Variants in FAM135B observed in about 807,000 individuals in gnomAD.
FAM135B encodes family with sequence similarity 135 member B.
A neutral mutation model predicts 127.7 loss-of-function variants in FAM135B; 43 were observed. That is an observed-to-expected ratio of 0.34 (90% CI 0.26 to 0.43). The LOEUF (loss-of-function observed/expected upper bound fraction) is 0.43, where lower values mean the gene tolerates loss of function less well. Among genes scored for constraint, FAM135B ranks in the 20% least tolerant of loss-of-function variants. FAM135B has a pLI of 1.00. For missense variants in FAM135B, 1,558 were observed against 1,725.6 expected, an observed-to-expected ratio of 0.90 and a Z score of 1.72; for synonymous variants, 670 against 665.1, an observed-to-expected ratio of 1.01 and a Z score of -0.11.
At chr8:138,238,506 G>A (rs1474142616) in intron 7 of FAM135B, among the ~76,000 whole-genome samples, 2 of 152,136 alleles carry the variant, frequency 1.3e-5, no homozygotes, top group African/African-American at 4.8e-5. Context: ...GGCCACGAGG[G>A]GAGAGGGGCC....
intron 7 of FAM135B, among the ~76,000 whole-genome samples, chr8:138,218,388 A>G (rs1343772288): frequency 6.6e-6 from 1 of 152,208 alleles, no homozygotes; most frequent in Non-Finnish European, 1.5e-5. Flanking sequence ...GGGGATAGCA[A>G]TATGTCCTGC....
chr8:138,304,319 C>T (rs34624438), intron 3 of FAM135B, among the ~76,000 whole-genome samples: 1 of 152,172 alleles, frequency 6.6e-6, no homozygotes, highest in African/African-American at 2.4e-5. Flanking sequence ...CAAAATGCTT[C>T]CTGTTGTCTG....
rs957362683 is a variant in FAM135B, at chr8:138,182,540, C to T, written c.874-3850G>A. On this transcript the variant is annotated intron_variant, in intron 9 of 19. Transcript: ENST00000395297. ...TGCTGGTTCTGTCCCAGCGGTGTGC[C>T]GAGCTCTGGGGAGCCAAACATAAAT... is the stretch of plus-strand genomic sequence containing the variant. Among the ~76,000 whole-genome samples, 6 of 152,176 alleles carry T rather than the reference C, an allele frequency of 3.9e-5. No homozygotes were observed. The East Asian group carries it at 5.8e-4, about 15-fold the overall frequency.
chr8:138,467,630 C>T (rs1267118007), intron 1 of FAM135B, among the ~76,000 whole-genome samples: 1 of 152,094 alleles, frequency 6.6e-6, no homozygotes, highest in East Asian at 1.9e-4. Flanking sequence ...CAGACAACTC[C>T]AACATGTGGA....
At chr8:138,384,404 T>A (rs745364112) in intron 1 of FAM135B, among the ~76,000 whole-genome samples, 28 of 152,076 alleles carry the variant, frequency 1.8e-4, no homozygotes, top group Non-Finnish European at 3.8e-4. Context: ...GCTAAATAGA[T>A]GTATTGGGGG....
chr8:138,394,114 G>A lies in FAM135B; in HGVS notation c.-19-26112C>T, dbSNP rs186733992. Among the ~76,000 whole-genome samples, 388 of 152,276 alleles carry A rather than the reference G, an allele frequency of 2.5e-3. 3 individuals carry two copies. Among genetic ancestry groups the A allele is most frequent in the Non-Finnish European group, 2.3e-3 (159 of 68,024 alleles). The stretch of plus-strand genomic sequence containing the variant: ...GTGGTCCTTCAGCAAAGTTGGGGGT[G>A]CCTGGTCTATTTCTCAGAAGAAGAC... On this transcript the variant is annotated intron_variant, in intron 1 of 19. Coordinates refer to ENST00000395297, the MANE Select transcript of FAM135B (RefSeq NM_015912.4).
At chr8:138,264,741 A>G (rs1822787595) in intron 4 of FAM135B, among the ~76,000 whole-genome samples, 1 of 152,160 alleles carries the variant, frequency 6.6e-6, no homozygotes, top group African/African-American at 2.4e-5. Flanking sequence ...TTAGCCACAA[A>G]GAGGAATCTG....
intron 7 of FAM135B, among the ~76,000 whole-genome samples, chr8:138,221,619 T>A (rs927013215): frequency 1.3e-5 from 2 of 152,176 alleles, no homozygotes; most frequent in African/African-American, 4.8e-5. Context: ...CACCCAGGAC[T>A]GAGAATTAAC....
intron 1 of FAM135B, chr8:138,436,854 G>C (rs1835483076): frequency 6.6e-6 from 1 of 152,190 alleles, no homozygotes; most frequent in South Asian, 2.1e-4. Flanking sequence ...CTGCCACATA[G>C]AGCTGTTGTA....
At chr8:138,275,134 T>C (rs1823720389) in intron 3 of FAM135B, among the ~76,000 whole-genome samples, 2 of 152,180 alleles carry the variant, frequency 1.3e-5, no homozygotes, top group South Asian at 2.1e-4. Flanking sequence ...ATTATAAAAG[T>C]ATTAATTTGG....
chr8:138,283,430 A>AG (rs1824427544), intron 3 of FAM135B, among the ~76,000 whole-genome samples: 2 of 151,872 alleles, frequency 1.3e-5, no homozygotes, highest in African/African-American at 4.8e-5. Context: ...GTAAAAAAAA[A>AG]AAATAGTGGT....
chr8:138,226,258 T>A (rs548826937), intron 7 of FAM135B, among the ~76,000 whole-genome samples: 61 of 151,138 alleles, frequency 4.0e-4, no homozygotes, highest in African/African-American at 1.4e-3. Flanking sequence ...AACACTATGG[T>A]AGGTCATGGA....
At chr8:138,314,879 C>CAAAAA (rs35189245) in intron 2 of FAM135B, among the ~76,000 whole-genome samples, 1 of 85,480 alleles carries the variant, frequency 1.2e-5, no homozygotes, top group Non-Finnish European at 2.4e-5. Context: ...GACCTTACCT[C>CAAAAA]AAAAAAAAAA....
chr8:138,177,475 C>G, intron 10 of FAM135B, 55 bp from the exon 11 acceptor site: 7 of 1,440,748 alleles, frequency 4.9e-6, no homozygotes, highest in Non-Finnish European at 6.7e-6. Flanking sequence ...ATTACCTGCA[C>G]TTTCTTTTTT....
intron 2 of FAM135B, among the ~76,000 whole-genome samples, chr8:138,344,734 C>G (rs900618934): frequency 6.6e-6 from 1 of 152,082 alleles, no homozygotes; most frequent in Non-Finnish European, 1.5e-5. Flanking sequence ...TGCAACCACA[C>G]CCAGCTAATT....
chr8:138,255,272 A>G (rs987004400), intron 5 of FAM135B, among the ~76,000 whole-genome samples: 13 of 152,106 alleles, frequency 8.5e-5, no homozygotes, highest in Non-Finnish European at 1.6e-4. Flanking sequence ...CCATTCTCCA[A>G]AGGAAAAGGG....
chr8:138,428,716 C>G (rs77588216), intron 1 of FAM135B, among the ~76,000 whole-genome samples: 1 of 152,154 alleles, frequency 6.6e-6, no homozygotes, highest in East Asian at 1.9e-4. Flanking sequence ...GTTCATGAGT[C>G]TTAGTAGGGA....
At chr8:138,478,432 C>T (rs1221588823) in intron 1 of FAM135B, among the ~76,000 whole-genome samples, 1 of 152,148 alleles carries the variant, frequency 6.6e-6, no homozygotes, top group Admixed American at 6.5e-5. Flanking sequence ...ATTCCATAGT[C>T]CCTCATTCCC....
chr8:138,469,052 AAG>A (rs1331903065), intron 1 of FAM135B, among the ~76,000 whole-genome samples: 1 of 118,608 alleles, frequency 8.4e-6, no homozygotes, highest in Non-Finnish European at 2.0e-5. Context: ...AAGAAAGAGA[AAG>A]AGAGACAGAA....
Sources: gnomAD v4.1 joint callset for allele counts (sites outside exome capture counted in the v4.1 genomes callset) on GRCh38, gnomAD v4.1.1 for gene constraint, MANE v1.5 for transcripts, NCBI Gene and HGNC (gene_info 2026-07-23, HGNC 2026-07-21) for gene names.